The following CCDC7 variants were observed in gnomAD, a reference collection of about 807,000 sequenced individuals.
CCDC7 encodes the protein coiled-coil domain containing 7, also known as coiled-coil domain-containing protein 7.
In CCDC7, 183 loss-of-function variants were observed where a neutral mutation model predicts 196.9. The ratio of observed to expected loss-of-function variants is 0.93; its 90% CI spans 0.82 to 1.05. The LOEUF (loss-of-function observed/expected upper bound fraction) is 1.05, where lower values mean the gene tolerates loss of function less well. CCDC7 is among the 50% of genes least tolerant of loss of function. CCDC7 has a pLI of 0.00. For missense variants in CCDC7, 1,540 were observed against 1,482.2 expected, an observed-to-expected ratio of 1.04 and a Z score of -0.64; for synonymous variants, 525 against 484.6, an observed-to-expected ratio of 1.08 and a Z score of -1.10.
rs866722674 is a variant in CCDC7 at position 32,511,421 on chromosome 10, C to T, written c.873-6524C>T. 3.0e-5 allele frequency: 49 copies of T among 1,609,586 alleles called. 1 individual carries two copies. In the South Asian group the frequency reaches 5.0e-4, roughly 16 times the overall value. Reference sequence around the variant, plus strand: ...TGAAGCTGCACCTCTGTCCAGCTTGCCAGCCTTTTTCTTGTCTGTTATTTC... The same window carrying T: ...TGAAGCTGCACCTCTGTCCAGCTTGTCAGCCTTTTTCTTGTCTGTTATTTC... On this transcript the variant is annotated intron_variant, in intron 9 of 41. Coordinates refer to ENST00000639629, the Ensembl canonical transcript of CCDC7.
intron 23 of CCDC7, among the ~76,000 whole-genome samples, chr10:32,690,179 A>C (rs1283314704): frequency 6.6e-6 from 1 of 152,192 alleles, no homozygotes; most frequent in African/African-American, 2.4e-5. Context: ...TGGCCCAGTT[A>C]AGAGCCACTG....
chr10:32,621,320 A>C (rs535078819), intron 18 of CCDC7, among the ~76,000 whole-genome samples: 2 of 152,290 alleles, frequency 1.3e-5, no homozygotes, highest in African/African-American at 4.8e-5. Context: ...CTGTTTTCAA[A>C]GACTTTTTTG....
intron 33 of CCDC7, among the ~76,000 whole-genome samples, chr10:32,838,040 G>A (rs185499012): frequency 5.7e-4 from 86 of 152,114 alleles, no homozygotes; most frequent in Middle Eastern, 3.4e-3. Flanking sequence ...AAACTTGCAC[G>A]TTGTGCACAT....
chr10:32,489,637 G>A (rs1393189623), intron 8 of CCDC7, among the ~76,000 whole-genome samples: 1 of 152,196 alleles, frequency 6.6e-6, no homozygotes, highest in African/African-American at 2.4e-5. Flanking sequence ...ATTGAGCTGT[G>A]GCTTAGCTCA....
At chr10:32,645,611 C>A (rs1037292538) in intron 20 of CCDC7, among the ~76,000 whole-genome samples, 1 of 148,026 alleles carries the variant, frequency 6.8e-6, no homozygotes, top group African/African-American at 2.5e-5. Context: ...ATAGAACTGG[C>A]ATTAGTTCTT....
chr10:32,604,560 G>A (rs1465323271), intron 18 of CCDC7, among the ~76,000 whole-genome samples: 1 of 152,152 alleles, frequency 6.6e-6, no homozygotes, highest in Admixed American at 6.6e-5. Context: ...CAGTGAGCAT[G>A]AGATGTTCTT....
intron 20 of CCDC7, among the ~76,000 whole-genome samples, chr10:32,656,425 C>A (rs1399610095): frequency 6.6e-6 from 1 of 151,306 alleles, no homozygotes; most frequent in South Asian, 2.1e-4. Context: ...TTACTTGACT[C>A]ACAGTTCTGC....
chr10:32,635,646 A>AAAAC (rs375507648), intron 20 of CCDC7, among the ~76,000 whole-genome samples: 29 of 152,138 alleles, frequency 1.9e-4, no homozygotes, highest in African/African-American at 3.9e-4. Context: ...AACAAAACCC[A>AAAAC]AAACAAACAA....
At chr10:32,641,628 G>A (rs981649924) in intron 20 of CCDC7, among the ~76,000 whole-genome samples, 17 of 152,136 alleles carry the variant, frequency 1.1e-4, no homozygotes, top group East Asian at 3.9e-4. Context: ...TAGTTTGATC[G>A]TCTGAAGCCT....
At chr10:32,539,632 T>C (rs2051082538) in intron 11 of CCDC7, among the ~76,000 whole-genome samples, 1 of 152,158 alleles carries the variant, frequency 6.6e-6, no homozygotes, top group African/African-American at 2.4e-5. Context: ...TTTCTAACTT[T>C]TTCATGTTGG....
chr10:32,729,067 C>G (rs538229534), intron 27 of CCDC7, 70 bp downstream of exon 28: 2 of 1,093,910 alleles, frequency 1.8e-6, no homozygotes, highest in African/African-American at 3.1e-5. Context: ...TCCTTTGATT[C>G]GTCAGTGTGT....
chr10:32,564,319 A>G (rs1422750726), intron 13 of CCDC7, among the ~76,000 whole-genome samples: 1 of 152,196 alleles, frequency 6.6e-6, no homozygotes, highest in African/African-American at 2.4e-5. Flanking sequence ...CCAAAGGACT[A>G]TAAATCATGC....
rs2038232771 is a variant in CCDC7, at chr10:32,472,867, A to T, written c.739+325A>T. Among the ~76,000 whole-genome samples the T allele has an allele frequency of 2.6e-5, 4 of 151,816 alleles. No individual in the cohort carries two copies. The South Asian group carries it at 8.3e-4, about 31-fold the overall frequency. On this transcript the variant is annotated intron_variant, in intron 7 of 41. Transcript: ENST00000639629. ...CACCTCGGGCTCCTAAAATGTTGGG[A>T]TTACAGGCATGAGCCGCCATGCCCG...
At chr10:32,610,174 G>A (rs1480129263) in intron 18 of CCDC7, among the ~76,000 whole-genome samples, 7 of 151,894 alleles carry the variant, frequency 4.6e-5, no homozygotes, top group Admixed American at 1.3e-4. Flanking sequence ...GCACGATCTC[G>A]GCTCACTGCA....
chr10:32,608,484 T>C (rs1238216345), intron 18 of CCDC7, among the ~76,000 whole-genome samples: 1 of 152,140 alleles, frequency 6.6e-6, no homozygotes, highest in Non-Finnish European at 1.5e-5. Flanking sequence ...TCCATAGTTT[T>C]AATGTGTTGT....
At chr10:32,871,231 G>A (rs1248330609) in intron 41 of CCDC7, among the ~76,000 whole-genome samples, 1 of 152,008 alleles carries the variant, frequency 6.6e-6, no homozygotes, top group Non-Finnish European at 1.5e-5. Flanking sequence ...ATCGGGTCCT[G>A]GACTTTTTTT....
intron 8 of CCDC7, among the ~76,000 whole-genome samples, chr10:32,487,041 C>G (rs1215489596): frequency 6.6e-6 from 1 of 152,100 alleles, no homozygotes; most frequent in East Asian, 1.9e-4. Context: ...GTTGGCCTGC[C>G]TTGCTAGATT....
intron 18 of CCDC7, among the ~76,000 whole-genome samples, chr10:32,621,752 C>A (rs561089625): frequency 6.6e-6 from 1 of 152,228 alleles, no homozygotes; most frequent in Admixed American, 6.5e-5. Flanking sequence ...ATGGATATCC[C>A]AGCCAAGAAG....
intron 32 of CCDC7, among the ~76,000 whole-genome samples, chr10:32,826,590 C>T (rs1247299125): frequency 6.6e-6 from 1 of 152,212 alleles, no homozygotes. Context: ...GGCTCAAATG[C>T]CCGTGGTCCC....
Sources: allele counts gnomAD v4.1 joint callset (sites outside exome capture counted in the v4.1 genomes callset), GRCh38; gene constraint gnomAD v4.1.1; transcripts MANE v1.5; gene names NCBI Gene and HGNC (gene_info 2026-07-23, HGNC 2026-07-21).